The following DUOX2 variants were observed in gnomAD, a reference collection of about 807,000 sequenced individuals.
DUOX2 encodes the protein NADH/NADPH thyroid oxidase p138-tox.
A neutral mutation model predicts 183.3 loss-of-function variants in DUOX2; 185 were observed. The ratio of observed to expected loss-of-function variants is 1.01; its 90% CI spans 0.90 to 1.14. The LOEUF is 1.14. Ranked by LOEUF, DUOX2 falls within the 50% of genes most tolerant of loss-of-function variation. The pLI is 0.00. For synonymous variants in DUOX2, 788 were observed against 812.4 expected (o/e 0.97, Z 0.51); for missense variants, 1,999 against 2,022.9 (o/e 0.99, Z 0.23).
In DUOX2 at chr15:45,104,352, T is replaced by C; in HGVS notation, c.2348A>G (p.Asn783Ser). ...GGGCAGGGTCCCTGCGTCGGCCTGG[T>C]TGATGTCCAGCACCTGCACTCGGGC... The part of the protein sequence containing the change: ...RHLFAQVLDI[N>S]QADAGTLPLD... The change falls in exon 19 of 34, where the codon AAC becomes AGC. Residue 783 changes from asparagine to serine, a missense_variant. Physicochemically the swap from Asn to Ser is conservative, Grantham distance 46. Around this residue, in one of 3 missense-constraint regions of DUOX2, gnomAD observed 1,628 missense variants for 1,608.6 expected, o/e 1.01. Transcript: ENST00000389039. 1 of 1,613,566 alleles carries C rather than the reference T, an allele frequency of 6.2e-7. No individual in the cohort carries two copies. The highest frequency in any genetic ancestry group is 1.1e-5 in the South Asian group (1 of 90,960).
chr15:45,095,370 A>G (rs1595518646), intron 31 of DUOX2, 67 bp downstream of exon 31: 3 of 1,604,094 alleles, frequency 1.9e-6, no homozygotes, highest in Non-Finnish European at 2.6e-6. Flanking sequence ...CTCATGCTCC[A>G]CCACTTGATG....
At chr15:45,112,056 T>G in intron 4 of DUOX2, 101 bp from the exon 5 acceptor site, 1 of 1,434,350 alleles carries the variant, frequency 7.0e-7, no homozygotes, top group Non-Finnish European at 9.6e-7. Flanking sequence ...AAGACAGAGG[T>G]CCCAGTGCCA....
At chr15:45,111,690 T>C in intron 5 of DUOX2, 78 bp downstream of exon 5, 2 of 1,460,420 alleles carry the variant, frequency 1.4e-6, no homozygotes, top group Non-Finnish European at 1.8e-6. Context: ...GCCTCTCCCC[T>C]CCAGGCCCTG....
chr15:45,106,911 G>C lies in DUOX2; in HGVS notation c.1752C>G (p.Pro584=). 1 of 1,583,282 alleles carries C rather than the reference G, an allele frequency of 6.3e-7. No homozygotes were observed. Among genetic ancestry groups the C allele is most frequent in the Non-Finnish European group, 8.6e-7 (1 of 1,165,292 alleles). Residue 584 remains proline (P), a synonymous_variant, in exon 15 of 34, where the codon CCC becomes CCG. Transcript: ENST00000389039. ...LTTDGLPQCA[P]LTVLDFFEGS... is the part of the protein sequence containing the mutation. The stretch of plus-strand genomic sequence containing the variant: ...CTTCAAAGAAGTCAAGCACAGTCAG[G>C]GGTGCACACTGGGGCAGGCCGTCAG...
At chr15:45,103,245 T>A (rs567453390) in intron 20 of DUOX2, among the ~76,000 whole-genome samples, 1 of 152,372 alleles carries the variant, frequency 6.6e-6, no homozygotes, top group African/African-American at 2.4e-5. Context: ...TAATGTGGGC[T>A]GTTACATCTA....
In DUOX2 at chr15:45,100,107, C is replaced by A. The variant is rs201263758; in HGVS notation, c.3127G>T (p.Val1043Leu). The part of the protein sequence containing the change: ...RFVENYRRHI[V>L]CVAIFSAICV... ...ATGGCCGAGAAGATTGCCACACACA[C>A]GATGTGCCTCCGGTAGTTCTCCACG... The change falls in exon 24 of 34, where the codon GTG becomes TTG. Residue 1043 changes from valine (V) to leucine (L), a missense_variant. Coordinates refer to ENST00000389039, the MANE Select transcript of DUOX2 (RefSeq NM_001363711.2). The A allele has an allele frequency of 6.2e-7, 1 of 1,614,214 alleles. No individual in the cohort carries two copies. Among genetic ancestry groups the A allele is most frequent in the Non-Finnish European group, 8.5e-7 (1 of 1,180,034 alleles).
At position 45,098,035 on chromosome 15, in the gene DUOX2, T is replaced by C. The variant is rs777719069; in HGVS notation, c.3539A>G (p.Tyr1180Cys). 1.2e-6 allele frequency: 2 copies of C among 1,614,020 alleles called. No homozygotes were observed. The highest frequency in any genetic ancestry group is 2.2e-5 in the East Asian group (1 of 44,876). Residue 1180 changes from tyrosine to cysteine, a missense_variant, in exon 27 of 34, where the codon TAT (tyrosine) becomes TGT (cysteine). By Grantham distance (194) the Tyr-to-Cys change is radical. Around this residue, in one of 3 missense-constraint regions of DUOX2, gnomAD observed 1,628 missense variants for 1,608.6 expected, o/e 1.01. Transcript: ENST00000389039. ...NDGSKLPQKFYWWFFQTVPGM... is the reference protein window; with the variant it reads ...NDGSKLPQKFCWWFFQTVPGM... ...TGGGACGGTCTGGAAGAACCACCAATAGAACTTCTGGGGAAGCTTGGACCT... is the reference window on the plus strand; with the variant it reads ...TGGGACGGTCTGGAAGAACCACCAACAGAACTTCTGGGGAAGCTTGGACCT...
chr15:45,094,717 CAA>C, intron 32 of DUOX2, 26 bp from the exon 33 acceptor site: 1 of 1,613,114 alleles, frequency 6.2e-7, no homozygotes, highest in Non-Finnish European at 8.5e-7. Flanking sequence ...CAGGTCAGAC[CAA>C]AGACAGTCAG....
In DUOX2 at chr15:45,100,766, C is replaced by T; in HGVS notation, c.2994G>A (p.Arg998=). 6.2e-7 allele frequency: 1 copy of T among 1,614,078 alleles called. No homozygotes were observed. Among genetic ancestry groups the T allele is most frequent in the East Asian group, 2.2e-5 (1 of 44,870 alleles). ...PELGGPGLKK[R]FGKKAAVPTP... ...TGGGAGACACTCACTTTTTGCCAAA[C>T]CTCTTCTTCAGTCCAGGGCCTCCCA... The change falls in exon 23 of 34, where the codon AGG becomes AGA. Residue 998 remains arginine (R), a synonymous_variant. Transcript: ENST00000389039.
chr15:45,111,248 G>T lies in DUOX2; in HGVS notation c.745C>A (p.Pro249Thr). Reference protein sequence around the residue: ...AFGAERGNREPFLQALGLLWF... With the variant: ...AFGAERGNRETFLQALGLLWF... ...AGCAGGCCCAGCGCCTGCAGGAAGG[G>T]TTCCCGGTTCCCTCTCTCTGCCCCG... The change falls in exon 7 of 34, where the codon CCC becomes ACC. Residue 249 changes from proline (P) to threonine (T), a missense_variant. Transcript: ENST00000389039. 1.5e-6 allele frequency: 2 copies of T among 1,354,280 alleles called. No individual in the cohort carries two copies. Among genetic ancestry groups the T allele is most frequent in the South Asian group, 1.4e-5 (1 of 69,594 alleles). 83.9% of individuals were successfully genotyped at this position (1,354,280 alleles called of 1,614,324 possible).
At chr15:45,108,287 C>G in intron 12 of DUOX2, 65 bp from the exon 13 acceptor site, 1 of 1,576,062 alleles carries the variant, frequency 6.3e-7, no homozygotes, top group Non-Finnish European at 8.7e-7. Flanking sequence ...ACTGTTGCCC[C>G]ATCCCTCGGG....
chr15:45,095,432 C>G lies in DUOX2; in HGVS notation c.4239+5G>C, dbSNP rs1238715110. On this transcript the variant is annotated splice_donor_5th_base_variant and intron_variant, in intron 31 of 33. Coordinates refer to ENST00000389039, the MANE Select transcript of DUOX2 (RefSeq NM_001363711.2). Reference sequence around the variant, plus strand: ...CCATTTGATGAATGAGGGAGGGATGCTCACCTTCTTACACAGCATTTGGCT... The same window carrying G: ...CCATTTGATGAATGAGGGAGGGATGGTCACCTTCTTACACAGCATTTGGCT... The G allele has an allele frequency of 1.9e-6, 3 of 1,614,228 alleles. No individual in the cohort carries two copies. Among genetic ancestry groups the G allele is most frequent in the South Asian group, 2.2e-5 (2 of 91,086 alleles).
chr15:45,101,639 A>G (rs1336746143), intron 21 of DUOX2, 154 bp downstream of exon 21: 1 of 944,418 alleles, frequency 1.1e-6, no homozygotes, highest in Non-Finnish European at 1.6e-6. Flanking sequence ...GGCAACTTGC[A>G]CACCTACATG....
chr15:45,109,395 C>G, intron 11 of DUOX2, 129 bp downstream of exon 11: 1 of 756,746 alleles, frequency 1.3e-6, no homozygotes. Flanking sequence ...CTTCTTATGG[C>G]TCCTTGAAGT....
intron 26 of DUOX2, chr15:45,098,951 G>T: frequency 4.6e-6 from 1 of 215,208 alleles, no homozygotes; most frequent in Non-Finnish European, 9.4e-6. Context: ...CAATCCTCCT[G>T]CCTCAGACTT....
intron 1 of DUOX2, 99 bp from the exon 2 acceptor site, chr15:45,113,524 G>A (rs750557404): frequency 1.8e-5 from 17 of 935,820 alleles, no homozygotes; most frequent in Non-Finnish European, 2.7e-5. Flanking sequence ...TACTGGAGGA[G>A]GAGCACCAGC....
rs373159143 is a variant in DUOX2, at chr15:45,101,189, C to A, written c.2921+16G>T. 1.2e-5 allele frequency: 20 copies of A among 1,612,408 alleles called. No homozygotes were observed. In the African/African-American group the frequency reaches 2.4e-4, roughly 19 times the overall value. ...GCTCAGCCAGGCCAACCTGCCAGAG[C>A]CCCATTCCTGCTCACCGCTCCCCAG... On this transcript the variant is annotated intron_variant, in intron 22 of 33. Coordinates refer to ENST00000389039, the MANE Select transcript of DUOX2 (RefSeq NM_001363711.2).
rs752426361 is a variant in DUOX2, at chr15:45,106,324, A to G, written c.1949T>C (p.Met650Thr). The change falls in exon 17 of 34, where the codon ATG (methionine) becomes ACG (threonine). Residue 650 changes from methionine to threonine, a missense_variant. By Grantham distance (81) the Met-to-Thr change is moderately conservative. This residue lies in a region of DUOX2 where 1,628 missense variants were observed against 1,608.6 expected (regional missense o/e 1.01). Coordinates refer to ENST00000389039, the MANE Select transcript of DUOX2 (RefSeq NM_001363711.2). The stretch of plus-strand genomic sequence containing the variant: ...CCTCTCCTTGGGGCCTGGCCACTCC[A>G]TCGCTGGGGAAGGGATAATTGGGCC... ...KEAAKDGVPA[M>T]EWPGPKERSS... 75 of 1,613,862 alleles carry G rather than the reference A, an allele frequency of 4.6e-5. No individual in the cohort carries two copies. In the Middle Eastern group the frequency reaches 8.2e-4, roughly 18 times the overall value.
At chr15:45,106,350 G>A (rs569718942) in intron 16 of DUOX2, 23 bp from the exon 17 acceptor site, 28 of 1,612,964 alleles carry the variant, frequency 1.7e-5, no homozygotes, top group African/African-American at 2.7e-5. Context: ...TAATTGGGCC[G>A]GGTAGTTCAG....
Sources: gnomAD v4.1 joint callset for allele counts (sites outside exome capture counted in the v4.1 genomes callset) on GRCh38, gnomAD v4.1.1 for gene constraint, gnomAD v4.1.1 regional missense constraint, MANE v1.5 for transcripts, NCBI Gene and HGNC (gene_info 2026-07-23, HGNC 2026-07-21) for gene names.